NAV2: variants seen among roughly 807,000 people sequenced by gnomAD.
The protein encoded by NAV2 is neuron navigator 2, also known as helicase, APC down-regulated 1.
NAV2 carries 54 observed loss-of-function variants against 223.2 expected under a neutral mutation model. The ratio of observed to expected loss-of-function variants is 0.24; its 90% CI spans 0.19 to 0.30. The LOEUF (loss-of-function observed/expected upper bound fraction) is 0.30. Among genes scored for constraint, NAV2 ranks in the 10% least tolerant of loss-of-function variants. The pLI is 1.00. For synonymous variants in NAV2, 1,279 were observed against 1,239.3 expected (o/e 1.03, Z -0.67); for missense variants, 2,806 against 3,147.5 (o/e 0.89, Z 2.60).
At chr11:19,925,521 C>T (rs377577558) in intron 6 of NAV2, among the ~76,000 whole-genome samples, 13 of 152,098 alleles carry the variant, frequency 8.5e-5, no homozygotes, top group African/African-American at 1.4e-4. Flanking sequence ...GAGACTGAGG[C>T]GGGTAGATCA....
At chr11:19,942,204 T>C (rs1057491377) in intron 8 of NAV2, among the ~76,000 whole-genome samples, 3 of 152,214 alleles carry the variant, frequency 2.0e-5, no homozygotes, top group African/African-American at 7.2e-5. Context: ...GGGTATATCC[T>C]ACATTCAGGT....
chr11:19,535,369 CT>C (rs949653544), intron 1 of NAV2, among the ~76,000 whole-genome samples: 2 of 152,114 alleles, frequency 1.3e-5, no homozygotes, highest in African/African-American at 4.8e-5. Flanking sequence ...AAGTAATAGC[CT>C]AGAGGAGGCC....
At chr11:19,796,479 G>T (rs1031043791) in intron 1 of NAV2, among the ~76,000 whole-genome samples, 1 of 152,162 alleles carries the variant, frequency 6.6e-6, no homozygotes, top group African/African-American at 2.4e-5. Context: ...CGTTTTACAT[G>T]CAGTAATTTA....
chr11:19,970,160 C>T (rs866400268), intron 10 of NAV2, among the ~76,000 whole-genome samples: 8 of 152,178 alleles, frequency 5.3e-5, no homozygotes, highest in South Asian at 2.1e-4. Context: ...GGGAGGACTA[C>T]AGTGAAAGCA....
At position 19,977,976 on chromosome 11, in the gene NAV2, GT is replaced by G. The variant is rs1337494979; in HGVS notation, c.2646-6140del. Among the ~76,000 whole-genome samples, 170 of 93,188 alleles carry G rather than the reference GT, an allele frequency of 1.8e-3. 1 individual carries two copies. Among genetic ancestry groups the G allele is most frequent in the African/African-American group, 4.7e-3 (162 of 34,374 alleles). 61.1% of individuals were successfully genotyped at this position (93,188 alleles called of 152,430 possible). On this transcript the variant is annotated intron_variant, in intron 10 of 37. Transcript: ENST00000349880. ...CCTGCCACCACGCCCAGCTCATTTTGTTTTTTTTTGTTTTTTTTGGTTTTTT... is the reference window on the plus strand; with the variant it reads ...CCTGCCACCACGCCCAGCTCATTTTGTTTTTTTTGTTTTTTTTGGTTTTTT...
exon 1 of NAV2, chr11:19,350,899 C>G: frequency 6.5e-7 from 1 of 1,527,780 alleles, no homozygotes; most frequent in South Asian, 1.2e-5. Flanking sequence ...TATTTTGTTC[C>G]TCTGTGGATT....
At chr11:19,438,096 C>G (rs920175396) in intron 1 of NAV2, among the ~76,000 whole-genome samples, 1 of 152,188 alleles carries the variant, frequency 6.6e-6, no homozygotes, top group African/African-American at 2.4e-5. Context: ...TCTGGCCTCA[C>G]CTGACTTCTG....
intron 1 of NAV2, among the ~76,000 whole-genome samples, chr11:19,450,031 C>A (rs1346534482): frequency 1.3e-5 from 2 of 152,156 alleles, no homozygotes; most frequent in Non-Finnish European, 2.9e-5. Flanking sequence ...CAATTCACCA[C>A]TGGGACCTCA....
In NAV2 at chr11:20,103,344, C is replaced by A. The variant is rs748398197; in HGVS notation, c.6507C>A (p.Asn2169Lys). ...VDMPLVIILD[N>K]LHHVSSLGEI... is the part of the protein sequence containing the mutation. ...TGCCCCTCGTCATCATCCTGGACAA[C>A]CTACACCACGTGAGCTCTCTGGGAG... is the stretch of plus-strand genomic sequence containing the variant. The change falls in exon 33 of 38, where the codon AAC becomes AAA. Residue 2169 changes from asparagine to lysine, a missense_variant. Asn to Lys is a moderately conservative substitution (Grantham distance 94). This residue lies in a region of NAV2 where 824 missense variants were observed against 1,069.4 expected (regional missense o/e 0.77). Transcript: ENST00000349880. 6.2e-7 allele frequency: 1 copy of A among 1,614,062 alleles called. No homozygotes were observed. The highest frequency in any genetic ancestry group is 8.5e-7 in the Non-Finnish European group (1 of 1,180,014).
At chr11:19,652,093 C>G (rs1182894698) in intron 1 of NAV2, among the ~76,000 whole-genome samples, 2 of 152,116 alleles carry the variant, frequency 1.3e-5, no homozygotes, top group Non-Finnish European at 2.9e-5. Context: ...CTCGGATGCA[C>G]AGTGATTAAT....
intron 1 of NAV2, among the ~76,000 whole-genome samples, chr11:19,751,131 C>A (rs1251318436): frequency 6.6e-6 from 1 of 152,280 alleles, no homozygotes; most frequent in South Asian, 2.1e-4. Context: ...CAGAGCATTT[C>A]TTTATCCCCT....
At chr11:19,836,664 ACCTTTTC>A (rs1455677383) in intron 2 of NAV2, among the ~76,000 whole-genome samples, 18 of 152,070 alleles carry the variant, frequency 1.2e-4, no homozygotes, top group African/African-American at 4.3e-4. Context: ...GCAGCTTACT[ACCTTTTC>A]AGGCACTAGT....
chr11:20,095,472 G>C (rs1056715180), intron 29 of NAV2, among the ~76,000 whole-genome samples, 200 bp from the exon 30 acceptor site: 1 of 152,138 alleles, frequency 6.6e-6, no homozygotes, highest in Non-Finnish European at 1.5e-5. Context: ...CTGACTCTTG[G>C]ACCGCTGTTT....
rs189494178 is a variant in NAV2, at chr11:19,355,698, C to T, written c.75+4671C>T. Among the ~76,000 whole-genome samples, 231 of 152,278 alleles carry T rather than the reference C, an allele frequency of 1.5e-3. 1 individual carries two copies. Among genetic ancestry groups the T allele is most frequent in the Non-Finnish European group, 2.6e-3 (180 of 68,022 alleles). On this transcript the variant is annotated intron_variant, in intron 1 of 37. Transcript: ENST00000360655. ...GGTGACATAGTTTCCTGGCTGGCTC[C>T]CTTGTTTCCATTTCTCTTTCTTCAG... is the stretch of plus-strand genomic sequence containing the variant.
chr11:19,362,350 T>C (rs1234631298), intron 1 of NAV2, among the ~76,000 whole-genome samples: 1 of 152,206 alleles, frequency 6.6e-6, no homozygotes. Flanking sequence ...TACCACCTTA[T>C]GTGTCTTTAA....
At chr11:19,637,767 T>A (rs564510789) in intron 1 of NAV2, among the ~76,000 whole-genome samples, 2 of 152,358 alleles carry the variant, frequency 1.3e-5, no homozygotes, top group South Asian at 4.1e-4. Context: ...ATGAGGGATC[T>A]GCCTCCATGA....
At chr11:19,844,406 A>G (rs749501028) in intron 3 of NAV2, among the ~76,000 whole-genome samples, 1 of 152,152 alleles carries the variant, frequency 6.6e-6, no homozygotes, top group Admixed American at 6.5e-5. Context: ...AGCACCTTCT[A>G]TTGGAGGTTT....
chr11:19,933,546 C>T lies in NAV2; in HGVS notation c.1302C>T (p.Pro434=). 1 of 1,609,370 alleles carries T rather than the reference C, an allele frequency of 6.2e-7. No individual in the cohort carries two copies. The highest frequency in any genetic ancestry group is 1.1e-5 in the South Asian group (1 of 90,630). ...DTSCERLETL[P]SFEESEELEA... The stretch of plus-strand genomic sequence containing the variant: ...GCTGTGAGCGGCTGGAGACTCTGCC[C>T]AGCTTCGAAGAGAGCGAGGAGCTGG... Residue 434 remains proline (P), a synonymous_variant, in exon 7 of 38, where the codon CCC becomes CCT. Transcript: ENST00000349880. The surrounding 1 kb of genome is among the most constrained non-coding windows in gnomAD (Gnocchi z 4.3).
At chr11:19,567,954 A>G (rs369621763) in intron 1 of NAV2, among the ~76,000 whole-genome samples, 4 of 152,244 alleles carry the variant, frequency 2.6e-5, no homozygotes, top group East Asian at 3.9e-4. Context: ...CGATCACACT[A>G]TAGTGTAACT....
Sources: gnomAD v4.1 joint callset for allele counts (sites outside exome capture counted in the v4.1 genomes callset) on GRCh38, gnomAD v4.1.1 for gene constraint, gnomAD v4.1.1 regional missense constraint, Gnocchi (gnomAD v3.1) non-coding constraint, MANE v1.5 for transcripts, NCBI Gene and HGNC (gene_info 2026-07-23, HGNC 2026-07-21) for gene names.